The following KCNMA1 variants were observed in gnomAD, a reference collection of about 807,000 sequenced individuals.
The protein encoded by KCNMA1 is Calcium-activated potassium channel subunit alpha-1.
In KCNMA1, 29 loss-of-function variants were observed where a neutral mutation model predicts 140.0. The ratio of observed to expected loss-of-function variants is 0.21; its 90% confidence interval spans 0.15 to 0.28. The LOEUF is 0.28. KCNMA1 is among the 10% of genes least tolerant of loss of function. The pLI, the probability that KCNMA1 is intolerant of heterozygous loss-of-function variation, is 1.00. For missense variants in KCNMA1, 880 were observed against 1,602.2 expected, an observed-to-expected ratio of 0.55 and a Z score of 7.70; for synonymous variants, 612 against 611.9, an observed-to-expected ratio of 1.00 and a Z score of 0.00.
intron 1 of KCNMA1, among the ~76,000 whole-genome samples, chr10:77,454,307 C>T (rs75678034): frequency 0.05 from 7,581 of 152,220 alleles, 286 homozygotes; most frequent in East Asian, 0.14. Flanking sequence ...TTTCAAAGTG[C>T]CTCTCTAGCT....
intron 1 of KCNMA1, among the ~76,000 whole-genome samples, chr10:77,555,591 G>C (rs2064109624): frequency 6.6e-6 from 1 of 152,186 alleles, no homozygotes. Flanking sequence ...AAAACAAAAA[G>C]AGCTTCTCAC....
chr10:76,903,680 A>G (rs1320743681), intron 25 of KCNMA1: 2 of 152,214 alleles, frequency 1.3e-5, no homozygotes, highest in African/African-American at 4.8e-5. Flanking sequence ...TAAATTGTTT[A>G]TGTAACTAAA....
intron 24 of KCNMA1, chr10:76,913,319 C>T (rs2051145014): frequency 6.6e-6 from 1 of 152,158 alleles, no homozygotes; most frequent in Admixed American, 6.6e-5. Context: ...AAGAACCTAA[C>T]AAATGCAGTC....
intron 23 of KCNMA1, among the ~76,000 whole-genome samples, chr10:76,920,488 A>G (rs907871504): frequency 7.2e-5 from 11 of 152,146 alleles, no homozygotes; most frequent in African/African-American, 2.7e-4. Flanking sequence ...ACCCAGATAA[A>G]CAAGTCCCAG....
intron 1 of KCNMA1, among the ~76,000 whole-genome samples, chr10:77,625,228 A>G (rs1223188579): frequency 6.6e-6 from 1 of 152,016 alleles, no homozygotes; most frequent in African/African-American, 2.4e-5. Context: ...AAAAATACAA[A>G]AAGTTAGCTG....
At chr10:77,064,032 TC>T (rs2095849907) in intron 14 of KCNMA1, 1 of 985,278 alleles carries the variant, frequency 1.0e-6, no homozygotes, top group Non-Finnish European at 1.2e-6. Context: ...TCGGGCCCCA[TC>T]CTCGCTGGGC....
chr10:77,154,988 C>A (rs1399019933), intron 5 of KCNMA1, among the ~76,000 whole-genome samples: 1 of 152,108 alleles, frequency 6.6e-6, no homozygotes, highest in Non-Finnish European at 1.5e-5. Context: ...AGTGGGCCAT[C>A]AGGGGACGCA....
At chr10:77,260,825 A>G (rs1408578073) in intron 2 of KCNMA1, among the ~76,000 whole-genome samples, 6 of 152,360 alleles carry the variant, frequency 3.9e-5, no homozygotes. Flanking sequence ...GGTGGCAGAT[A>G]TAGGGAGCAT....
At chr10:77,274,959 T>C (rs979986450) in intron 2 of KCNMA1, among the ~76,000 whole-genome samples, 2 of 152,176 alleles carry the variant, frequency 1.3e-5, no homozygotes, top group East Asian at 3.9e-4. Flanking sequence ...GTGTCCACCA[T>C]TCGGGCAGAT....
At chr10:77,452,701 C>G (rs1304867637) in intron 1 of KCNMA1, among the ~76,000 whole-genome samples, 1 of 152,180 alleles carries the variant, frequency 6.6e-6, no homozygotes, top group Non-Finnish European at 1.5e-5. Flanking sequence ...TCTCTAAATA[C>G]CCTTCTAAAA....
chr10:77,341,852 C>A (rs2091008210), intron 2 of KCNMA1, among the ~76,000 whole-genome samples: 1 of 152,224 alleles, frequency 6.6e-6, no homozygotes, highest in African/African-American at 2.4e-5. Flanking sequence ...CTTGGCAGAA[C>A]TTGGAATTTG....
At chr10:77,225,069 T>A (rs760506041) in intron 3 of KCNMA1, among the ~76,000 whole-genome samples, 4 of 152,122 alleles carry the variant, frequency 2.6e-5, no homozygotes, top group Non-Finnish European at 5.9e-5. Flanking sequence ...AGTGAATGAA[T>A]AAAGCGAATC....
At chr10:77,463,561 C>T (rs771447882) in intron 1 of KCNMA1, among the ~76,000 whole-genome samples, 9 of 152,130 alleles carry the variant, frequency 5.9e-5, no homozygotes, top group Admixed American at 3.3e-4. Flanking sequence ...ATGGAGCACA[C>T]GCTAAAAATA....
Position 76,887,105 on chromosome 10 carries a change from T to TA in KCNMA1, c.*160dup, listed in dbSNP as rs1393585198. 2 of 1,568,084 alleles carry TA rather than the reference T, an allele frequency of 1.3e-6. No homozygotes were observed. The highest frequency in any genetic ancestry group is 1.7e-6 in the Non-Finnish European group (2 of 1,161,358). ...GCTCAAGGGTTTTATGGTGGTGAAA[T>TA]AAAAATGACAACCACATGCACACTA... On this transcript the variant is annotated 3_prime_UTR_variant, in exon 28 of 28. Coordinates refer to ENST00000286628, the MANE Select transcript of KCNMA1 (RefSeq NM_001161352.2).
intron 1 of KCNMA1, among the ~76,000 whole-genome samples, chr10:77,586,635 A>G (rs1326424340): frequency 3.3e-5 from 5 of 152,228 alleles, no homozygotes; most frequent in Non-Finnish European, 5.9e-5. Context: ...ATATTAATGG[A>G]GTGAAAACAT....
At chr10:77,459,829 G>A (rs926881870) in intron 1 of KCNMA1, among the ~76,000 whole-genome samples, 1 of 152,160 alleles carries the variant, frequency 6.6e-6, no homozygotes, top group African/African-American at 2.4e-5. Context: ...GTGGCCTTAG[G>A]CGCACTATTT....
chr10:77,044,010 T>C (rs2094892743), intron 14 of KCNMA1, among the ~76,000 whole-genome samples: 1 of 152,208 alleles, frequency 6.6e-6, no homozygotes. Flanking sequence ...TTTATCACAA[T>C]TAAAAAGATT....
chr10:77,255,782 G>A (rs112966592), intron 2 of KCNMA1, among the ~76,000 whole-genome samples: 14,169 of 151,630 alleles, frequency 0.093, 1,332 homozygotes, highest in African/African-American at 0.24. Flanking sequence ...GCATGGTGGC[G>A]CTCACCTGTA....
chr10:76,955,786 C>A (rs1404435902), intron 20 of KCNMA1, among the ~76,000 whole-genome samples: 1 of 152,106 alleles, frequency 6.6e-6, no homozygotes, highest in Non-Finnish European at 1.5e-5. Context: ...TTAATATTAT[C>A]TGGAATAGGT....
Sources: allele counts gnomAD v4.1 joint callset (sites outside exome capture counted in the v4.1 genomes callset), GRCh38; gene constraint gnomAD v4.1.1; transcripts MANE v1.5; gene names NCBI Gene and HGNC (gene_info 2026-07-23, HGNC 2026-07-21).